The following TRPC4AP variants were observed in gnomAD, a reference collection of about 807,000 sequenced individuals.
The protein encoded by TRPC4AP is transient receptor potential cation channel subfamily C member 4 associated protein.
Under a neutral mutation model 99.0 loss-of-function variants are expected in TRPC4AP, and 45 were observed. The observed-to-expected ratio is 0.45, with a 90% CI of 0.36 to 0.58. TRPC4AP has a LOEUF of 0.58. Ranked by LOEUF, TRPC4AP falls within the 20% of genes least tolerant of loss-of-function variation. The pLI is 0.00. For synonymous variants in TRPC4AP, 408 were observed against 385.8 expected (o/e 1.06, Z -0.67); for missense variants, 879 against 985.3 (o/e 0.89, Z 1.44).
At chr20:35,089,114 T>C (rs6058177) in intron 1 of TRPC4AP, among the ~76,000 whole-genome samples, 117,535 of 151,410 alleles carry the variant, frequency 0.78, 46,004 homozygotes, top group African/African-American at 0.84. Flanking sequence ...AACAATCCGC[T>C]CACCTCAGCT....
intron 2 of TRPC4AP, among the ~76,000 whole-genome samples, chr20:35,070,493 C>A (rs2084278830): frequency 2.0e-5 from 3 of 152,016 alleles, no homozygotes; most frequent in Admixed American, 6.6e-5. Flanking sequence ...TCACTGCAAG[C>A]TCTGCCTCCC....
At chr20:35,075,663 C>T (rs985157465) in intron 2 of TRPC4AP, among the ~76,000 whole-genome samples, 4 of 152,138 alleles carry the variant, frequency 2.6e-5, no homozygotes, top group African/African-American at 9.7e-5. Flanking sequence ...GTGGGTAACC[C>T]GACCTTTCTC....
intron 7 of TRPC4AP, among the ~76,000 whole-genome samples, chr20:35,038,356 C>A (rs1372616673): frequency 6.6e-6 from 1 of 151,270 alleles, no homozygotes; most frequent in South Asian, 2.1e-4. Flanking sequence ...CTACAGACAA[C>A]ACGGTGGGGA....
intron 1 of TRPC4AP, among the ~76,000 whole-genome samples, chr20:35,090,036 C>T (rs2085005732): frequency 6.7e-6 from 1 of 148,928 alleles, no homozygotes; most frequent in African/African-American, 2.5e-5. Flanking sequence ...GGGAGGATCA[C>T]TTGAGCCCAG....
At chr20:35,062,281 T>C (rs2084026386) in intron 3 of TRPC4AP, among the ~76,000 whole-genome samples, 1 of 152,218 alleles carries the variant, frequency 6.6e-6, no homozygotes. Context: ...CAACTCCACT[T>C]CTAGGTATAT....
At chr20:35,026,280 T>G (rs190752530) in intron 8 of TRPC4AP, among the ~76,000 whole-genome samples, 1 of 151,420 alleles carries the variant, frequency 6.6e-6, no homozygotes, top group East Asian at 2.0e-4. Flanking sequence ...AGTGGCACAA[T>G]CACAGGTTAC....
chr20:35,076,308 G>C (rs1447994045), intron 2 of TRPC4AP, among the ~76,000 whole-genome samples: 1 of 152,188 alleles, frequency 6.6e-6, no homozygotes, highest in Non-Finnish European at 1.5e-5. Flanking sequence ...TGCTGGTGAG[G>C]AGCTGTGTTC....
intron 5 of TRPC4AP, among the ~76,000 whole-genome samples, chr20:35,050,774 G>T (rs1252321446): frequency 6.6e-6 from 1 of 151,838 alleles, no homozygotes; most frequent in Non-Finnish European, 1.5e-5. Flanking sequence ...CAAGGGGTAT[G>T]AAGGAAGTTA....
intron 8 of TRPC4AP, among the ~76,000 whole-genome samples, chr20:35,029,787 C>T (rs549409601): frequency 4.7e-5 from 7 of 149,360 alleles, no homozygotes; most frequent in Admixed American, 2.0e-4. Context: ...AGGCGCCCGC[C>T]ACCACGCCCA....
chr20:35,012,254 C>T (rs188715843), intron 11 of TRPC4AP, among the ~76,000 whole-genome samples: 49 of 152,358 alleles, frequency 3.2e-4, no homozygotes, highest in African/African-American at 1.1e-3. Flanking sequence ...GTTCTGTTAG[C>T]TCAAATGCAA....
At chr20:35,014,335 T>TTTTTG (rs10681837) in intron 10 of TRPC4AP, among the ~76,000 whole-genome samples, 2 of 148,052 alleles carry the variant, frequency 1.4e-5, no homozygotes, top group African/African-American at 2.5e-5. Flanking sequence ...TTTTTTTTTT[T>TTTTTG]GAGACACAGT....
Position 35,004,399 on chromosome 20 carries a change from G to A in TRPC4AP, c.2049+59C>T, listed in dbSNP as rs769318181. 2.0e-5 allele frequency: 29 copies of A among 1,462,984 alleles called. No individual in the cohort carries two copies. In the Admixed American group the frequency reaches 4.8e-4, roughly 24 times the overall value. 90.6% of individuals were successfully genotyped at this position (1,462,984 alleles called of 1,614,324 possible). On this transcript the variant is annotated intron_variant, in intron 17 of 18. Transcript: ENST00000252015. ...GGGACAGAAACCTGCTGGGCACCAG[G>A]ACAAAGGAAGTGGTTTCCAATCGAC...
intron 7 of TRPC4AP, 94 bp downstream of exon 7, chr20:35,044,411 A>AAG (rs1555909602): frequency 2.3e-6 from 3 of 1,303,000 alleles, no homozygotes; most frequent in African/African-American, 3.0e-5. Context: ...AAAAAAAAAA[A>AAG]AAAAGAAAAG....
intron 1 of TRPC4AP, among the ~76,000 whole-genome samples, chr20:35,084,738 A>ATATATGTTTATATGCATATATATG (rs1569155520): frequency 5.1e-4 from 74 of 145,410 alleles, no homozygotes; most frequent in Middle Eastern, 3.6e-3. Context: ...GTGTATATGT[A>ATATATGTTTATATGCATATATATG]TATATGTTTA....
Position 35,002,625 on chromosome 20 carries a change from A to C in TRPC4AP, c.*521T>G. On this transcript the variant is annotated 3_prime_UTR_variant, in exon 19 of 19. Transcript: ENST00000252015. ...TGGATGAACACAGCGGCCAATGAGCAAACAGAACCAGAGGAGCTACAGGAA... is the reference window on the plus strand; with the variant it reads ...TGGATGAACACAGCGGCCAATGAGCCAACAGAACCAGAGGAGCTACAGGAA... 1 of 173,922 alleles carries C rather than the reference A, an allele frequency of 5.7e-6. No individual in the cohort carries two copies. Among genetic ancestry groups the C allele is most frequent in the Non-Finnish European group, 1.2e-5 (1 of 82,446 alleles). The allele number at this position is 173,922 out of a possible 1,614,324, so 10.8% of individuals were successfully genotyped here.
chr20:35,046,676 G>A (rs13042358), intron 6 of TRPC4AP, among the ~76,000 whole-genome samples: 59,825 of 151,750 alleles, frequency 0.39, 12,951 homozygotes, highest in East Asian at 0.59. Flanking sequence ...TGCTGTGCAG[G>A]GGGCATTGGG....
At chr20:35,045,270 T>C (rs1188461055) in intron 6 of TRPC4AP, among the ~76,000 whole-genome samples, 2 of 152,358 alleles carry the variant, frequency 1.3e-5, no homozygotes, top group Middle Eastern at 3.4e-3. Context: ...GTGTGAATGA[T>C]ACCATACTAT....
At chr20:35,091,207 C>G (rs1036866331) in intron 1 of TRPC4AP, among the ~76,000 whole-genome samples, 6 of 152,096 alleles carry the variant, frequency 3.9e-5, no homozygotes, top group Admixed American at 3.9e-4. Flanking sequence ...CTGGGCTGGT[C>G]TCGAATTCCT....
intron 3 of TRPC4AP, among the ~76,000 whole-genome samples, chr20:35,060,099 G>C (rs547512016): frequency 6.6e-6 from 1 of 152,156 alleles, no homozygotes; most frequent in Non-Finnish European, 1.5e-5. Flanking sequence ...GACATTTAAA[G>C]AATGATCAAT....
Sources: gnomAD v4.1 joint callset for allele counts (sites outside exome capture counted in the v4.1 genomes callset) on GRCh38, gnomAD v4.1.1 for gene constraint, MANE v1.5 for transcripts, NCBI Gene and HGNC (gene_info 2026-07-23, HGNC 2026-07-21) for gene names.